CHST9: variants seen among roughly 807,000 people sequenced by gnomAD.
CHST9 encodes carbohydrate sulfotransferase 9, also known as GalNAc-4-sulfotransferase 2.
In CHST9, 41 loss-of-function variants were observed where a neutral mutation model predicts 44.4. The ratio of observed to expected loss-of-function variants is 0.92; its 90% confidence interval spans 0.72 to 1.20. The LOEUF is 1.20. Ranked by LOEUF, CHST9 falls within the 50% of genes most tolerant of loss-of-function variation. CHST9 has a pLI of 0.00. For missense variants in CHST9, 504 were observed against 516.5 expected (o/e 0.98, Z 0.23); for synonymous variants, 171 against 178.4 (o/e 0.96, Z 0.33).
chr18:27,053,269 A>AAGAAGAAGAAGAAGAAGAAGAAGAG lies in CHST9; in HGVS notation c.122-4767_122-4766insCTCTTCTTCTTCTTCTTCTTCTTCT, dbSNP rs1568151239. Among the ~76,000 whole-genome samples the AAGAAGAAGAAGAAGAAGAAGAAGAG allele has an allele frequency of 1.8e-5, 2 of 114,282 alleles. 1 individual carries two copies. The highest frequency in any genetic ancestry group is 6.9e-5 in the African/African-American group (2 of 28,962). The allele number at this position is 114,282 out of a possible 152,430, so 75.0% of individuals were successfully genotyped here. Reference sequence around the variant, plus strand: ...AAGAAGAAGAAGAAGAAGGAGAAGGAGAAGGAGAAGGAGAAGGAGAAGGAG... The same window carrying AAGAAGAAGAAGAAGAAGAAGAAGAG: ...AAGAAGAAGAAGAAGAAGGAGAAGGAAGAAGAAGAAGAAGAAGAAGAAGAGGAAGGAGAAGGAGAAGGAGAAGGAG... On this transcript the variant is annotated intron_variant, in intron 2 of 5. Coordinates refer to ENST00000618847, the MANE Select transcript of CHST9 (RefSeq NM_031422.6).
intron 1 of CHST9, among the ~76,000 whole-genome samples, chr18:27,153,383 A>G (rs1365349290): frequency 6.6e-6 from 1 of 152,088 alleles, no homozygotes; most frequent in Non-Finnish European, 1.5e-5. Context: ...CCTTGGAGGC[A>G]AGGACAGAAT....
At chr18:27,062,985 G>A (rs2057743407) in intron 2 of CHST9, among the ~76,000 whole-genome samples, 1 of 152,152 alleles carries the variant, frequency 6.6e-6, no homozygotes, top group South Asian at 2.1e-4. Flanking sequence ...ACCTCACCTG[G>A]TAGGTCTCTT....
intron 4 of CHST9, among the ~76,000 whole-genome samples, chr18:26,966,370 A>G (rs557313556): frequency 6.6e-6 from 1 of 152,240 alleles, no homozygotes; most frequent in Non-Finnish European, 1.5e-5. Context: ...AAAATATGTT[A>G]TTGGTGTCTT....
chr18:26,932,197 T>C lies in CHST9; in HGVS notation c.240+12132A>G, dbSNP rs531535889. On this transcript the variant is annotated intron_variant, in intron 5 of 5. Coordinates refer to ENST00000618847, the MANE Select transcript of CHST9 (RefSeq NM_031422.6). ...ATCATTGTTGGAATGACCAAAGTAC[T>C]AGGCTCTTGCTCCTGGACAACAATG... 3.3e-5 allele frequency among the ~76,000 whole-genome samples: 5 copies of C among 152,328 alleles called. No individual in the cohort carries two copies. The South Asian group carries it at 1.0e-3, about 32-fold the overall frequency.
intron 4 of CHST9, among the ~76,000 whole-genome samples, chr18:26,998,765 A>G (rs1478853824): frequency 2.0e-5 from 3 of 151,850 alleles, no homozygotes; most frequent in African/African-American, 7.3e-5. Flanking sequence ...AGAAAGAAAG[A>G]AAAAAAGAAA....
chr18:27,117,016 G>A (rs2058328009), intron 2 of CHST9, among the ~76,000 whole-genome samples: 1 of 151,678 alleles, frequency 6.6e-6, no homozygotes, highest in Non-Finnish European at 1.5e-5. Context: ...GATTTTTCAA[G>A]AGATAGTTTC....
intron 4 of CHST9, among the ~76,000 whole-genome samples, chr18:26,977,109 C>T (rs755531479): frequency 7.9e-5 from 12 of 152,032 alleles, no homozygotes; most frequent in Non-Finnish European, 1.3e-4. Flanking sequence ...CATGCCTACT[C>T]TTTTCTATGG....
At chr18:26,958,603 G>T (rs1288522473) in intron 4 of CHST9, among the ~76,000 whole-genome samples, 1 of 152,112 alleles carries the variant, frequency 6.6e-6, no homozygotes, top group South Asian at 2.1e-4. Context: ...TTAATATCCA[G>T]AATCTATAAG....
intron 2 of CHST9, among the ~76,000 whole-genome samples, chr18:27,117,375 A>C (rs946032136): frequency 1.3e-5 from 2 of 152,148 alleles, no homozygotes; most frequent in Non-Finnish European, 2.9e-5. Flanking sequence ...ATTACAGTGG[A>C]ACACTGGTTA....
chr18:26,963,240 T>A (rs1337838210), intron 4 of CHST9, among the ~76,000 whole-genome samples: 1 of 152,150 alleles, frequency 6.6e-6, no homozygotes, highest in African/African-American at 2.4e-5. Context: ...TTGATAAATC[T>A]CATTTTTCCA....
At chr18:27,089,809 A>AC (rs2058049796) in intron 2 of CHST9, among the ~76,000 whole-genome samples, 1 of 73,860 alleles carries the variant, frequency 1.4e-5, no homozygotes, top group Non-Finnish European at 2.4e-5. Context: ...TTGTTTCCTG[A>AC]CTTTTTTTTT....
At chr18:27,054,561 A>T (rs2057629938) in intron 2 of CHST9, among the ~76,000 whole-genome samples, 3 of 152,206 alleles carry the variant, frequency 2.0e-5, no homozygotes, top group African/African-American at 7.2e-5. Flanking sequence ...CAATATTTTT[A>T]AAAGCTATTT....
Position 26,915,014 on chromosome 18 carries a change from A to G in CHST9, c.*1245T>C, listed in dbSNP as rs561014694. The G allele has an allele frequency of 2.9e-3, 1,162 of 397,858 alleles. 8 individuals carry two copies. Among genetic ancestry groups the G allele is most frequent in the Non-Finnish European group, 3.8e-3 (858 of 225,564 alleles). The allele number at this position is 397,858 out of a possible 1,614,324, so 24.6% of individuals were successfully genotyped here. On this transcript the variant is annotated 3_prime_UTR_variant, in exon 6 of 6. Transcript: ENST00000618847. The stretch of plus-strand genomic sequence containing the variant: ...AGGGATCTAATTTAGGATCCCTTGG[A>G]AAAAAATTCCAAAATGCATTACAAC...
At chr18:26,969,803 G>A (rs2056518517) in intron 4 of CHST9, among the ~76,000 whole-genome samples, 1 of 152,204 alleles carries the variant, frequency 6.6e-6, no homozygotes, top group Admixed American at 6.5e-5. Flanking sequence ...GTAGCCTTAA[G>A]TTAAGCTTCA....
intron 4 of CHST9, among the ~76,000 whole-genome samples, chr18:27,002,280 A>G (rs766098643): frequency 1.3e-5 from 2 of 151,626 alleles, no homozygotes; most frequent in African/African-American, 4.9e-5. Context: ...TAGCCTTGCT[A>G]TTTCCTTTAT....
At chr18:26,938,255 T>C (rs1288861285) in intron 5 of CHST9, among the ~76,000 whole-genome samples, 1 of 152,190 alleles carries the variant, frequency 6.6e-6, no homozygotes, top group African/African-American at 2.4e-5. Flanking sequence ...CTTAAGTATT[T>C]TCTAGGTAGA....
chr18:27,060,588 G>A (rs2057710403), intron 2 of CHST9, among the ~76,000 whole-genome samples: 1 of 152,126 alleles, frequency 6.6e-6, no homozygotes, highest in Non-Finnish European at 1.5e-5. Context: ...TAAGAATTTG[G>A]CATTGTCAGG....
chr18:27,174,540 A>C (rs931811396), intron 1 of CHST9, among the ~76,000 whole-genome samples: 1 of 151,984 alleles, frequency 6.6e-6, no homozygotes, highest in African/African-American at 2.4e-5. Flanking sequence ...CCCCCTTTTC[A>C]ATTAATAAGC....
At chr18:27,010,262 A>T (rs1023356779) in intron 4 of CHST9, among the ~76,000 whole-genome samples, 1 of 152,172 alleles carries the variant, frequency 6.6e-6, no homozygotes, top group Non-Finnish European at 1.5e-5. Context: ...GGTCACTCTC[A>T]TGGTCTATGT....
Sources: allele counts gnomAD v4.1 joint callset (sites outside exome capture counted in the v4.1 genomes callset), GRCh38; gene constraint gnomAD v4.1.1; transcripts MANE v1.5; gene names NCBI Gene and HGNC (gene_info 2026-07-23, HGNC 2026-07-21).